PCBP3: variants seen among roughly 807,000 people sequenced by gnomAD.
PCBP3 encodes poly(rC) binding protein 3, also known as poly(rC)-binding protein 3.
PCBP3 carries 25 observed loss-of-function variants against 52.7 expected under a neutral mutation model. That is an observed-to-expected ratio of 0.47 (90% CI 0.35 to 0.66). The LOEUF (loss-of-function observed/expected upper bound fraction) is 0.66, where lower values mean the gene tolerates loss of function less well. PCBP3 is among the 30% of genes least tolerant of loss of function. The pLI is 0.01. For synonymous variants in PCBP3, 162 were observed against 183.0 expected, an observed-to-expected ratio of 0.89 and a Z score of 0.93; for missense variants, 391 against 490.3, an observed-to-expected ratio of 0.80 and a Z score of 1.91.
chr21:45,677,449 C>T (rs1001146694), intron 2 of PCBP3, among the ~76,000 whole-genome samples: 6 of 152,136 alleles, frequency 3.9e-5, no homozygotes, highest in Non-Finnish European at 5.9e-5. Context: ...AAGAAGTCTC[C>T]GTAACATAAA....
chr21:45,688,974 A>G (rs1301599286), intron 2 of PCBP3, among the ~76,000 whole-genome samples: 7 of 152,040 alleles, frequency 4.6e-5, no homozygotes. Context: ...CACTAAGAAA[A>G]CTTGAGGCCC....
At chr21:45,866,467 G>T (rs971599638) in intron 5 of PCBP3, among the ~76,000 whole-genome samples, 11 of 152,190 alleles carry the variant, frequency 7.2e-5, no homozygotes, top group African/African-American at 2.7e-4. Context: ...ATGTGGTCCT[G>T]CTCGCTCATG....
intron 5 of PCBP3, among the ~76,000 whole-genome samples, chr21:45,879,277 G>C (rs543352743): frequency 6.6e-6 from 1 of 152,136 alleles, no homozygotes; most frequent in African/African-American, 2.4e-5. Flanking sequence ...TAGCCACTGC[G>C]CCTGGCCAAG....
rs1018540194 is a variant in PCBP3 at position 45,791,385 on chromosome 21, C to T, written c.-126+35933C>T. Among the ~76,000 whole-genome samples, 1 of 152,006 alleles carries T rather than the reference C, an allele frequency of 6.6e-6. No homozygotes were observed. ...TGGTCTGGTCTGGTGTACACTGAGT[C>T]GTTTGTGTTCTCCAGTTGTGTGCAG... is the stretch of plus-strand genomic sequence containing the variant. On this transcript the variant is annotated intron_variant, in intron 4 of 17. Transcript: ENST00000681687. The surrounding 1 kb of genome is among the most constrained non-coding windows in gnomAD (Gnocchi z 4.2).
intron 3 of PCBP3, among the ~76,000 whole-genome samples, chr21:45,744,052 T>A (rs947690871): frequency 1.3e-5 from 2 of 151,958 alleles, no homozygotes; most frequent in African/African-American, 4.8e-5. Context: ...ACCAATGGTT[T>A]TTTGCTTAGG....
Position 45,941,683 on chromosome 21 carries a change from G to T in PCBP3, c.1093G>T (p.Val365Phe), listed in dbSNP as rs2077487530. Residue 365 changes from valine to phenylalanine, a missense_variant, in exon 18 of 18, where the codon GTC becomes TTC. Coordinates refer to ENST00000681687, the MANE Select transcript of PCBP3 (RefSeq NM_001384156.1). ...YLINARLTSE[V>F]TGMGTL Reference sequence around the variant, plus strand: ...TGTCTGTTCCAGGCTGACGTCCGAGGTCACCGGGATGGGCACGCTGTAATC... The same window carrying T: ...TGTCTGTTCCAGGCTGACGTCCGAGTTCACCGGGATGGGCACGCTGTAATC... The T allele has an allele frequency of 3.1e-6, 5 of 1,606,508 alleles. No individual in the cohort carries two copies. In the Admixed American group the frequency reaches 6.8e-5, roughly 22 times the overall value.
chr21:45,790,862 G>A lies in PCBP3; in HGVS notation c.-126+35410G>A, dbSNP rs546371920. Among the ~76,000 whole-genome samples the A allele has an allele frequency of 6.6e-4, 101 of 152,300 alleles. 2 individuals carry two copies. In the South Asian group the frequency reaches 0.013, roughly 20 times the overall value. On this transcript the variant is annotated intron_variant, in intron 4 of 17. Transcript: ENST00000681687. ...TCTGGAGAGGGAGAAGGACAGCAGA[G>A]GGGCTGGGGCAGCAAGGTGGAGTTT...
intron 2 of PCBP3, among the ~76,000 whole-genome samples, chr21:45,727,415 A>T (rs1275003161): frequency 6.6e-6 from 1 of 152,218 alleles, no homozygotes; most frequent in East Asian, 1.9e-4. Flanking sequence ...AATGACTGTC[A>T]TGAAGGAAGA....
At chr21:45,822,790 C>T (rs1286810198) in intron 4 of PCBP3, among the ~76,000 whole-genome samples, 2 of 152,172 alleles carry the variant, frequency 1.3e-5, no homozygotes, top group Admixed American at 1.3e-4. Flanking sequence ...TTTTGGTGAC[C>T]TTGACTGTCC....
intron 11 of PCBP3, chr21:45,911,236 TC>T: frequency 1.5e-6 from 1 of 663,872 alleles, no homozygotes; most frequent in South Asian, 1.6e-5. Context: ...GGGTCCAGTG[TC>T]TTCGTGGGGG....
At chr21:45,939,252 C>A (rs1213611538) in intron 16 of PCBP3, among the ~76,000 whole-genome samples, 2 of 152,234 alleles carry the variant, frequency 1.3e-5, no homozygotes, top group African/African-American at 4.8e-5. Flanking sequence ...CATGAAGGGA[C>A]TCCGTTCCAT....
rs947070304 is a variant in PCBP3 at position 45,830,981 on chromosome 21, C to G, written c.-125-18980C>G. On this transcript the variant is annotated intron_variant, in intron 4 of 17. Transcript: ENST00000681687. This position sits in a 1 kb window ranked among gnomAD's most constrained non-coding sequence, Gnocchi z 4.4. ...CGGCCGGCAGCAGTCCCCACGCTGC[C>G]CAGGCGGAGCAGCCCCTCTGCCCCC... 1.3e-5 allele frequency: 2 copies of G among 152,372 alleles called. No homozygotes were observed. The highest frequency in any genetic ancestry group is 1.3e-4 in the Admixed American group (2 of 15,274). The allele number at this position is 152,372 out of a possible 1,614,324, so 9.4% of individuals were successfully genotyped here.
At position 45,842,388 on chromosome 21, in the gene PCBP3, T is replaced by TTTTG. The variant is rs142430013; in HGVS notation, c.-125-7554_-125-7551dup. 3.3e-5 allele frequency among the ~76,000 whole-genome samples: 5 copies of TTTTG among 152,286 alleles called. No individual in the cohort carries two copies. The East Asian group carries it at 5.8e-4, about 18-fold the overall frequency. ...TTGAGATTGTCTGTTTCATTTTTTA[T>TTTTG]TTTGTTTGTTTGTTTGTTTGTTCGT... On this transcript the variant is annotated intron_variant, in intron 4 of 17. Transcript: ENST00000681687.
chr21:45,770,285 T>G (rs2089755297), intron 4 of PCBP3, among the ~76,000 whole-genome samples: 1 of 152,234 alleles, frequency 6.6e-6, no homozygotes, highest in South Asian at 2.1e-4. Flanking sequence ...TCTAAAGCTA[T>G]TTTGAAGCCA....
rs141554359 is a variant in PCBP3 at position 45,774,062 on chromosome 21, T to C, written c.-126+18610T>C. On this transcript the variant is annotated intron_variant, in intron 4 of 17. Transcript: ENST00000681687. ...GTGTGTGGAAATGCTGCTGATTTTG[T>C]ATGTTGATTTTGTATCCTGCAACTT... Among the ~76,000 whole-genome samples the C allele has an allele frequency of 2.0e-3, 310 of 152,322 alleles. 1 individual carries two copies. The highest frequency in any genetic ancestry group is 7.2e-3 in the African/African-American group (300 of 41,574).
chr21:45,913,920 CT>C, intron 11 of PCBP3, 30 bp from the exon 12 acceptor site: 1 of 1,584,340 alleles, frequency 6.3e-7, no homozygotes. Flanking sequence ...TGCTCTAACG[CT>C]CTCTCTCCCT....
At chr21:45,787,437 T>C (rs2091241777) in intron 4 of PCBP3, among the ~76,000 whole-genome samples, 1 of 151,640 alleles carries the variant, frequency 6.6e-6, no homozygotes, top group Non-Finnish European at 1.5e-5. Flanking sequence ...AAATAGAGAC[T>C]AGGTCTCCCT....
rs575595362 is a variant in PCBP3, at chr21:45,839,387, T to C, written c.-125-10574T>C. Reference sequence around the variant, plus strand: ...CATCATTTAGTCCTAGTTCAGTAGTTAAATGTGTTTGACACTTACCACCAT... The same window carrying C: ...CATCATTTAGTCCTAGTTCAGTAGTCAAATGTGTTTGACACTTACCACCAT... On this transcript the variant is annotated intron_variant, in intron 4 of 17. Transcript: ENST00000681687. 2.0e-5 allele frequency among the ~76,000 whole-genome samples: 3 copies of C among 152,346 alleles called. No individual in the cohort carries two copies. The East Asian group carries it at 5.8e-4, about 29-fold the overall frequency.
intron 4 of PCBP3, among the ~76,000 whole-genome samples, chr21:45,816,109 T>C (rs1043157491): frequency 1.3e-5 from 2 of 149,798 alleles, no homozygotes; most frequent in East Asian, 4.0e-4. Context: ...GAGTGAGTGG[T>C]GAGTGGTGAG....
Sources: gnomAD v4.1 joint callset for allele counts (sites outside exome capture counted in the v4.1 genomes callset) on GRCh38, gnomAD v4.1.1 for gene constraint, Gnocchi (gnomAD v3.1) non-coding constraint, MANE v1.5 for transcripts, NCBI Gene and HGNC (gene_info 2026-07-23, HGNC 2026-07-21) for gene names.